TMEM232: variants seen among roughly 807,000 people sequenced by gnomAD.
TMEM232 encodes transmembrane protein 232.
A neutral mutation model predicts 78.8 loss-of-function variants in TMEM232; 80 were observed. That is an observed-to-expected ratio of 1.01 (90% CI 0.85 to 1.22). The LOEUF (loss-of-function observed/expected upper bound fraction) is 1.22, where lower values mean the gene tolerates loss of function less well. Among genes scored for constraint, TMEM232 ranks in the 50% most tolerant of loss-of-function variants. The probability of loss-of-function intolerance (pLI) is 0.00; values close to 1 mark genes in which losing one functional copy is unlikely to be tolerated. For missense variants in TMEM232, 881 were observed against 742.2 expected, an observed-to-expected ratio of 1.19 and a Z score of -2.17; for synonymous variants, 297 against 254.3, an observed-to-expected ratio of 1.17 and a Z score of -1.60.
intron 11 of TMEM232, among the ~76,000 whole-genome samples, chr5:110,538,815 G>GT (rs113073695): frequency 0.062 from 9,031 of 146,592 alleles, 802 homozygotes; most frequent in African/African-American, 0.2. Context: ...AAATTCAGTT[G>GT]TTTTTTTTTT....
chr5:110,656,887 TAA>T (rs1349029641), intron 2 of TMEM232, among the ~76,000 whole-genome samples: 1 of 152,016 alleles, frequency 6.6e-6, no homozygotes, highest in Non-Finnish European at 1.5e-5. Flanking sequence ...GTTAATATTT[TAA>T]AAGTCAGTGG....
intron 10 of TMEM232, among the ~76,000 whole-genome samples, chr5:110,569,511 T>G (rs974899448): frequency 6.6e-5 from 10 of 151,844 alleles, no homozygotes; most frequent in South Asian, 2.1e-4. Flanking sequence ...ATAAGAAGAA[T>G]AAGAAGAGGA....
At chr5:110,433,270 CA>C (rs1758060396) in intron 12 of TMEM232, among the ~76,000 whole-genome samples, 1 of 151,664 alleles carries the variant, frequency 6.6e-6, no homozygotes, top group African/African-American at 2.4e-5. Flanking sequence ...AAAATTATAT[CA>C]AGCATCCTTC....
chr5:110,389,898 G>T (rs1367019947), intron 4 of TMEM232, among the ~76,000 whole-genome samples: 1 of 152,158 alleles, frequency 6.6e-6, no homozygotes, highest in African/African-American at 2.4e-5. Flanking sequence ...CAAGAAGTCA[G>T]GTCTGCCTAT....
At chr5:110,638,103 A>C (rs1786133244) in intron 5 of TMEM232, 95 bp downstream of exon 5, 1 of 969,026 alleles carries the variant, frequency 1.0e-6, no homozygotes, top group Non-Finnish European at 1.4e-6. Flanking sequence ...CTATAATAAA[A>C]CTAAATGTTC....
Position 110,487,922 on chromosome 5 carries a change from A to G in TMEM232, c.1703+40666T>C, listed in dbSNP as rs184115166. 2.6e-5 allele frequency among the ~76,000 whole-genome samples: 4 copies of G among 151,790 alleles called. No homozygotes were observed. In the East Asian group the frequency reaches 7.8e-4, roughly 29 times the overall value. ...GTGGAATAGTGTCAAAAGGATTGCA[A>G]CCCCCATCAAAATACCACCATTCTT... is the stretch of plus-strand genomic sequence containing the variant. On this transcript the variant is annotated intron_variant, in intron 12 of 13. Transcript: ENST00000455884.
intron 12 of TMEM232, among the ~76,000 whole-genome samples, chr5:110,477,716 T>C (rs1447955467): frequency 2.6e-5 from 4 of 151,846 alleles, no homozygotes; most frequent in Non-Finnish European, 5.9e-5. Context: ...AAATTCATAA[T>C]GATGATAAAC....
At chr5:110,419,093 T>C (rs1265088170), downstream of TMEM232, among the ~76,000 whole-genome samples, 3 of 151,702 alleles carry the variant, frequency 2.0e-5, no homozygotes, top group African/African-American at 7.3e-5. Flanking sequence ...CAGAAGGAGA[T>C]AGTGAATAGT....
intron 12 of TMEM232, among the ~76,000 whole-genome samples, chr5:110,496,618 G>A (rs1765671882): frequency 6.6e-6 from 1 of 151,930 alleles, no homozygotes; most frequent in Non-Finnish European, 1.5e-5. Context: ...TCAGATGAGA[G>A]GACACATGCG....
At chr5:110,708,945 G>C (rs1796207463) in intron 1 of TMEM232, among the ~76,000 whole-genome samples, 1 of 151,882 alleles carries the variant, frequency 6.6e-6, no homozygotes, top group Admixed American at 6.6e-5. Context: ...GTGGCCGAAT[G>C]GATGAAAAAA....
chr5:110,555,725 G>T (rs1163174639), intron 11 of TMEM232, among the ~76,000 whole-genome samples: 2 of 152,104 alleles, frequency 1.3e-5, no homozygotes, highest in Admixed American at 6.6e-5. Flanking sequence ...TCTTCTTGTT[G>T]AATTGATCCC....
intron 1 of TMEM232, among the ~76,000 whole-genome samples, chr5:110,704,387 T>C (rs1795719441): frequency 6.6e-6 from 1 of 152,094 alleles, no homozygotes. Context: ...AGATCTCCAG[T>C]TAAAGACCTC....
chr5:110,515,912 C>A (rs1768557043), intron 12 of TMEM232, among the ~76,000 whole-genome samples: 1 of 152,196 alleles, frequency 6.6e-6, no homozygotes, highest in Non-Finnish European at 1.5e-5. Context: ...CCTGGGCTTT[C>A]TTCCAGGTGC....
chr5:110,588,681 T>G (rs181893908), intron 10 of TMEM232, among the ~76,000 whole-genome samples: 64 of 152,214 alleles, frequency 4.2e-4, no homozygotes, highest in Non-Finnish European at 6.5e-4. Context: ...AAGAAAAATT[T>G]CATTGTAGTG....
chr5:110,445,306 CAT>C (rs1554079790), intron 12 of TMEM232, among the ~76,000 whole-genome samples: 2 of 151,814 alleles, frequency 1.3e-5, no homozygotes, highest in African/African-American at 2.4e-5. Flanking sequence ...TAATAAATTA[CAT>C]ATGTTTAAAA....
chr5:110,469,981 C>T (rs1037934778), intron 12 of TMEM232, among the ~76,000 whole-genome samples: 1 of 152,102 alleles, frequency 6.6e-6, no homozygotes, highest in African/African-American at 2.4e-5. Context: ...CCCTGCCCCC[C>T]CGGAACCCCA....
intron 1 of TMEM232, among the ~76,000 whole-genome samples, chr5:110,717,079 G>A (rs897609107): frequency 1.3e-5 from 2 of 152,020 alleles, no homozygotes; most frequent in African/African-American, 2.4e-5. Context: ...TAGGCAATCT[G>A]GACTAGAACA....
Position 110,682,531 on chromosome 5 carries a change from T to C in TMEM232, c.-12-15167A>G, listed in dbSNP as rs1792882469. Among the ~76,000 whole-genome samples, 6 of 152,238 alleles carry C rather than the reference T, an allele frequency of 3.9e-5. No homozygotes were observed. In the South Asian group the frequency reaches 1.2e-3, roughly 32 times the overall value. On this transcript the variant is annotated intron_variant, in intron 1 of 13. Transcript: ENST00000455884. ...CATTTTCTTTACCACTTCCCAGGGGTAAATTCTGATAATTTAAATAGATTT... is the reference window on the plus strand; with the variant it reads ...CATTTTCTTTACCACTTCCCAGGGGCAAATTCTGATAATTTAAATAGATTT...
chr5:110,520,037 G>GTATATATA (rs778212998), intron 12 of TMEM232, among the ~76,000 whole-genome samples: 8 of 148,284 alleles, frequency 5.4e-5, no homozygotes, highest in African/African-American at 1.7e-4. Flanking sequence ...ATATATTTAT[G>GTATATATA]TATATATATA....
Sources: gnomAD v4.1 joint callset for allele counts (sites outside exome capture counted in the v4.1 genomes callset) on GRCh38, gnomAD v4.1.1 for gene constraint, MANE v1.5 for transcripts, NCBI Gene and HGNC (gene_info 2026-07-23, HGNC 2026-07-21) for gene names.